TESK2: variants seen among roughly 807,000 people sequenced by gnomAD.
TESK2 encodes the protein testis associated actin remodelling kinase 2.
Under a neutral mutation model 57.1 loss-of-function variants are expected in TESK2, and 39 were observed. That is an observed-to-expected ratio of 0.68 (90% CI 0.53 to 0.89). The LOEUF is 0.89. Ranked by LOEUF, TESK2 falls within the 40% of genes least tolerant of loss-of-function variation. TESK2 has a pLI of 0.00. For synonymous variants in TESK2, 249 were observed against 267.9 expected, an observed-to-expected ratio of 0.93 and a Z score of 0.69; for missense variants, 646 against 732.1, an observed-to-expected ratio of 0.88 and a Z score of 1.36.
intron 2 of TESK2, among the ~76,000 whole-genome samples, chr1:45,434,380 A>C (rs973568708): frequency 6.6e-6 from 1 of 151,582 alleles, no homozygotes; most frequent in African/African-American, 2.4e-5. Flanking sequence ...CTCTAGTGTC[A>C]ATCTGGGCTC....
chr1:45,378,128 A>G (rs1372740248), intron 4 of TESK2, among the ~76,000 whole-genome samples: 2 of 152,116 alleles, frequency 1.3e-5, no homozygotes, highest in Non-Finnish European at 2.9e-5. Flanking sequence ...AACTGAGTGG[A>G]AAAAAAGAAA....
At chr1:45,432,027 C>T (rs983614546) in intron 2 of TESK2, among the ~76,000 whole-genome samples, 1 of 152,016 alleles carries the variant, frequency 6.6e-6, no homozygotes, top group Non-Finnish European at 1.5e-5. Context: ...AGGAGGATCA[C>T]TTAAACCCAA....
intron 3 of TESK2, among the ~76,000 whole-genome samples, chr1:45,396,811 T>TG (rs1467863875): frequency 1.5e-5 from 2 of 133,696 alleles, no homozygotes; most frequent in Admixed American, 1.5e-4. Flanking sequence ...AGTTGTTTTT[T>TG]TTTTTTTTTT....
chr1:45,469,048 T>C (rs934073593), intron 1 of TESK2, among the ~76,000 whole-genome samples: 8 of 152,190 alleles, frequency 5.3e-5, no homozygotes, highest in African/African-American at 1.9e-4. Flanking sequence ...TTTTCTTTTC[T>C]ACATAGGTAG....
At chr1:45,347,164 G>A in intron 7 of TESK2, 102 bp from the exon 8 acceptor site, 1 of 995,676 alleles carries the variant, frequency 1.0e-6, no homozygotes, top group Non-Finnish European at 1.5e-6. Flanking sequence ...AACAGCCCAG[G>A]CCTGGGCCAT....
chr1:45,478,966 C>T (rs984025470), intron 1 of TESK2, among the ~76,000 whole-genome samples: 5 of 152,094 alleles, frequency 3.3e-5, no homozygotes, highest in African/African-American at 7.2e-5. Context: ...TCACATAATC[C>T]GCCTGTCTCA....
chr1:45,386,038 C>A, intron 3 of TESK2, 78 bp from the exon 4 acceptor site: 1 of 1,154,362 alleles, frequency 8.7e-7, no homozygotes, highest in Non-Finnish European at 1.3e-6. Flanking sequence ...AGGTTAGTTA[C>A]CCATGCATTA....
At chr1:45,417,813 G>C (rs1053254156) in intron 3 of TESK2, among the ~76,000 whole-genome samples, 1 of 152,038 alleles carries the variant, frequency 6.6e-6, no homozygotes, top group Non-Finnish European at 1.5e-5. Flanking sequence ...GGATGGTCTC[G>C]ATCTCCTGAC....
intron 1 of TESK2, among the ~76,000 whole-genome samples, chr1:45,477,994 CT>C (rs533422590): frequency 3.5e-4 from 54 of 152,152 alleles, no homozygotes; most frequent in Non-Finnish European, 6.5e-4. Context: ...CACTCTCACA[CT>C]TTTTTCAATC....
chr1:45,465,386 G>C (rs1248921907), intron 1 of TESK2, among the ~76,000 whole-genome samples: 1 of 149,342 alleles, frequency 6.7e-6, no homozygotes, highest in African/African-American at 2.5e-5. Flanking sequence ...ACTCCAGCCT[G>C]GGTGACAGAG....
intron 2 of TESK2, among the ~76,000 whole-genome samples, chr1:45,428,946 C>T (rs540844020): frequency 6.6e-6 from 1 of 150,550 alleles, no homozygotes; most frequent in African/African-American, 2.4e-5. Flanking sequence ...CTCAGCCTCC[C>T]AAGTATCTGG....
At chr1:45,349,240 C>T (rs1488255942) in intron 5 of TESK2, among the ~76,000 whole-genome samples, 2 of 152,054 alleles carry the variant, frequency 1.3e-5, no homozygotes, top group African/African-American at 4.8e-5. Context: ...CATGATTACA[C>T]TATTTCCCTT....
intron 1 of TESK2, among the ~76,000 whole-genome samples, chr1:45,478,776 A>T (rs549314623): frequency 7.7e-4 from 115 of 149,368 alleles, no homozygotes; most frequent in Non-Finnish European, 1.4e-3. Flanking sequence ...CAGGCTGGAG[A>T]GCAGTGGCAC....
intron 5 of TESK2, among the ~76,000 whole-genome samples, chr1:45,353,915 G>T (rs1647302380): frequency 6.6e-6 from 1 of 152,212 alleles, no homozygotes; most frequent in African/African-American, 2.4e-5. Flanking sequence ...GAGATCAGCT[G>T]ATGCCAAAGA....
chr1:45,351,446 C>T (rs371699323), intron 5 of TESK2, among the ~76,000 whole-genome samples: 1 of 152,312 alleles, frequency 6.6e-6, no homozygotes, highest in East Asian at 1.9e-4. Context: ...GCAGTAGCTG[C>T]GGACATGAGT....
intron 3 of TESK2, among the ~76,000 whole-genome samples, chr1:45,398,308 G>A (rs1233571339): frequency 6.6e-6 from 1 of 151,938 alleles, no homozygotes; most frequent in Non-Finnish European, 1.5e-5. Flanking sequence ...AATCTTTCTC[G>A]AGGCGGGAGA....
chr1:45,404,559 TTTGAGATGTAGTCTCAC>T (rs1438865574), intron 3 of TESK2, among the ~76,000 whole-genome samples: 1 of 151,984 alleles, frequency 6.6e-6, no homozygotes, highest in Non-Finnish European at 1.5e-5. Context: ...TTTTTTTTTT[TTTGAGATGTAGTCTCAC>T]TTGATCACCC....
At chr1:45,383,206 T>G (rs1648733149) in intron 4 of TESK2, among the ~76,000 whole-genome samples, 1 of 152,216 alleles carries the variant, frequency 6.6e-6, no homozygotes, top group Admixed American at 6.5e-5. Flanking sequence ...TTTCAAGGAC[T>G]GTGCTAGATA....
At chr1:45,412,747 A>G (rs1054935341) in intron 3 of TESK2, among the ~76,000 whole-genome samples, 4 of 152,240 alleles carry the variant, frequency 2.6e-5, no homozygotes, top group Admixed American at 2.0e-4. Context: ...GACCCAGTGC[A>G]GTGGCTCAAG....
Sources: allele counts gnomAD v4.1 joint callset (sites outside exome capture counted in the v4.1 genomes callset), GRCh38; gene constraint gnomAD v4.1.1; transcripts MANE v1.5; gene names NCBI Gene and HGNC (gene_info 2026-07-23, HGNC 2026-07-21).